Variants in DOCK5 observed in about 807,000 individuals in gnomAD.
DOCK5 encodes the protein dedicator of cytokinesis protein 5.
Under a neutral mutation model 251.8 loss-of-function variants are expected in DOCK5, and 142 were observed. That is an observed-to-expected ratio of 0.56 (90% CI 0.49 to 0.65). The LOEUF is 0.65. Ranked by LOEUF, DOCK5 falls within the 30% of genes least tolerant of loss-of-function variation. DOCK5 has a pLI of 0.00. For synonymous variants in DOCK5, 842 were observed against 835.5 expected (o/e 1.01, Z -0.13); for missense variants, 2,111 against 2,312.3 (o/e 0.91, Z 1.79).
At chr8:25,232,071 A>G (rs570657421) in intron 1 of DOCK5, among the ~76,000 whole-genome samples, 37 of 152,372 alleles carry the variant, frequency 2.4e-4, no homozygotes, top group Non-Finnish European at 4.6e-4. Flanking sequence ...ATTGTATTCA[A>G]AGAAAATGCT....
chr8:25,268,838 C>G lies in DOCK5; in HGVS notation c.128-7C>G. Reference sequence around the variant, plus strand: ...AAAATATTTTGTGTTCTCTTTTGCTCTGACAGGTTGGTACAGAGGATATAC... The same window carrying G: ...AAAATATTTTGTGTTCTCTTTTGCTGTGACAGGTTGGTACAGAGGATATAC... On this transcript the variant is annotated splice_polypyrimidine_tract_variant and splice_region_variant and intron_variant, in intron 2 of 51. Coordinates refer to ENST00000276440, the MANE Select transcript of DOCK5 (RefSeq NM_024940.8). 2 of 1,574,840 alleles carry G rather than the reference C, an allele frequency of 1.3e-6. No homozygotes were observed. The highest frequency in any genetic ancestry group is 2.4e-5 in the South Asian group (2 of 85,024).
chr8:25,264,656 T>A (rs1803689328), intron 2 of DOCK5, among the ~76,000 whole-genome samples: 1 of 151,604 alleles, frequency 6.6e-6, no homozygotes, highest in African/African-American at 2.4e-5. Context: ...TGAAACCCTG[T>A]CTCTACTTAA....
intron 13 of DOCK5, among the ~76,000 whole-genome samples, chr8:25,312,109 A>G (rs1418995661): frequency 6.6e-6 from 1 of 152,098 alleles, no homozygotes; most frequent in Non-Finnish European, 1.5e-5. Flanking sequence ...TCCTTTTCTC[A>G]TAAAAGAAGA....
chr8:25,387,186 CT>C lies in DOCK5; in HGVS notation c.4132-1889del, dbSNP rs71551804. 7.1e-3 allele frequency among the ~76,000 whole-genome samples: 881 copies of C among 124,514 alleles called. 3 individuals carry two copies. Among genetic ancestry groups the C allele is most frequent in the South Asian group, 0.029 (117 of 4,028 alleles). 81.7% of individuals were successfully genotyped at this position (124,514 alleles called of 152,430 possible). ...GTTCTTCCTACTCCAAGACCAGTGA[CT>C]TTTTTTTTTTTTTTTAAGAGGTCTC... On this transcript the variant is annotated intron_variant, in intron 40 of 51. Transcript: ENST00000276440.
rs762483242 is a variant in DOCK5, at chr8:25,366,935, C to G, written c.3189C>G (p.Thr1063=). ...CCCATGAGTCCCTTCAGCTTGAAAC[C>G]TTCTCACAAGCCAAGCGCAACAAAA... The part of the protein sequence containing the change: ...FLTHESLQLE[T]FSQAKRNKIV... The change falls in exon 31 of 52, where the codon ACC becomes ACG. Residue 1063 remains threonine, a synonymous_variant. Coordinates refer to ENST00000276440, the MANE Select transcript of DOCK5 (RefSeq NM_024940.8). The G allele has an allele frequency of 2.5e-6, 4 of 1,613,812 alleles. No individual in the cohort carries two copies. The South Asian group carries it at 3.3e-5, about 13-fold the overall frequency.
chr8:25,354,065 C>CT (rs1800522799), intron 27 of DOCK5, among the ~76,000 whole-genome samples: 1 of 99,014 alleles, frequency 1.0e-5, no homozygotes, highest in East Asian at 3.0e-4. Context: ...AAAAAAAAAA[C>CT]GTAGGAGAGA....
In DOCK5 at chr8:25,314,018, T is replaced by A. The variant is rs182446353; in HGVS notation, c.1319-2989T>A. On this transcript the variant is annotated intron_variant, in intron 13 of 51. Coordinates refer to ENST00000276440, the MANE Select transcript of DOCK5 (RefSeq NM_024940.8). ...CACTCACTTGGCTTTCATCTGCCTGTCACCTTCAAATCTGTAGCTCCAGGA... is the reference window on the plus strand; with the variant it reads ...CACTCACTTGGCTTTCATCTGCCTGACACCTTCAAATCTGTAGCTCCAGGA... Among the ~76,000 whole-genome samples the A allele has an allele frequency of 1.6e-4, 25 of 151,982 alleles. No individual in the cohort carries two copies. In the East Asian group the frequency reaches 4.5e-3, roughly 27 times the overall value.
intron 5 of DOCK5, among the ~76,000 whole-genome samples, chr8:25,283,346 G>A (rs1804250863): frequency 6.6e-6 from 1 of 152,198 alleles, no homozygotes; most frequent in African/African-American, 2.4e-5. Flanking sequence ...GGGAAGCTGA[G>A]TATCCTGTGC....
intron 2 of DOCK5, among the ~76,000 whole-genome samples, chr8:25,257,253 C>T (rs886481301): frequency 2.0e-5 from 3 of 152,178 alleles, no homozygotes; most frequent in Non-Finnish European, 2.9e-5. Flanking sequence ...ACATCCCTCT[C>T]TATGCCAGGC....
chr8:25,367,683 C>T (rs1013952561), intron 31 of DOCK5, among the ~76,000 whole-genome samples: 2 of 152,166 alleles, frequency 1.3e-5, no homozygotes, highest in South Asian at 4.1e-4. Context: ...CTCCCAAGGA[C>T]CAATATTTAT....
intron 1 of DOCK5, among the ~76,000 whole-genome samples, chr8:25,205,314 A>G (rs1197680881): frequency 6.6e-6 from 1 of 152,168 alleles, no homozygotes; most frequent in African/African-American, 2.4e-5. Context: ...ATGTGAGGAT[A>G]CAATGAGAGG....
rs1476677577 is a variant in DOCK5 at position 25,317,015 on chromosome 8, C to G, written c.1327C>G (p.Arg443Gly). The G allele has an allele frequency of 6.2e-7, 1 of 1,613,672 alleles. No individual in the cohort carries two copies. Among genetic ancestry groups the G allele is most frequent in the Admixed American group, 1.7e-5 (1 of 59,992 alleles). Residue 443 changes from arginine to glycine, a missense_variant, in exon 14 of 52, where the codon CGG becomes GGG. Physicochemically the swap from Arg to Gly is moderately radical, Grantham distance 125 (BLOSUM62 -2). Coordinates refer to ENST00000276440, the MANE Select transcript of DOCK5 (RefSeq NM_024940.8). ...TGCTTATCATGTTGCAGGAGATGTT[C>G]GGAATGACATTTATGTCACCCTGAT... ...FPEIILPGDV[R>G]NDIYVTLIHG...
At chr8:25,214,635 C>T (rs1802187202) in intron 1 of DOCK5, among the ~76,000 whole-genome samples, 1 of 152,166 alleles carries the variant, frequency 6.6e-6, no homozygotes, top group Non-Finnish European at 1.5e-5. Flanking sequence ...AGCCCCACTG[C>T]CACTTCTCTT....
chr8:25,301,250 G>C (rs883397), intron 9 of DOCK5, among the ~76,000 whole-genome samples: 305 of 152,256 alleles, frequency 2.0e-3, no homozygotes, highest in African/African-American at 7.0e-3. Flanking sequence ...CACAGACAAG[G>C]GGGGGCTACT....
At chr8:25,375,117 CT>C in intron 37 of DOCK5, 1 of 506,546 alleles carries the variant, frequency 2.0e-6, no homozygotes, top group Non-Finnish European at 2.7e-6. Flanking sequence ...AGCACCTTCT[CT>C]AACTTTGGAT....
At chr8:25,342,571 C>T in intron 25 of DOCK5, 64 bp downstream of exon 25, 1 of 1,265,364 alleles carries the variant, frequency 7.9e-7, no homozygotes, top group Non-Finnish European at 1.1e-6. Flanking sequence ...CATTGCACTC[C>T]AGCCTGGGTG....
chr8:25,383,625 C>G (rs529679429), intron 40 of DOCK5, among the ~76,000 whole-genome samples: 25 of 152,178 alleles, frequency 1.6e-4, no homozygotes, highest in Non-Finnish European at 3.7e-4. Context: ...GAGGCTGAGG[C>G]AGGCAGATCA....
At position 25,377,933 on chromosome 8, in the gene DOCK5, T is replaced by G. The variant is rs537935101; in HGVS notation, c.3936+509T>G. Reference sequence around the variant, plus strand: ...TTCTTTTTTTTTTTTTTGGTAAATATGGGGTCTCACCAGTTGCCCAGGCTG... The same window carrying G: ...TTCTTTTTTTTTTTTTTGGTAAATAGGGGGTCTCACCAGTTGCCCAGGCTG... On this transcript the variant is annotated intron_variant, in intron 38 of 51. Transcript: ENST00000276440. Among the ~76,000 whole-genome samples, 11 of 150,494 alleles carry G rather than the reference T, an allele frequency of 7.3e-5. No homozygotes were observed. The South Asian group carries it at 2.3e-3, about 32-fold the overall frequency.
intron 14 of DOCK5, 71 bp from the exon 15 acceptor site, chr8:25,319,507 C>A: frequency 1.9e-6 from 2 of 1,034,678 alleles, no homozygotes; most frequent in Non-Finnish European, 2.9e-6. Context: ...GGGGCTTGTG[C>A]ATGGTATATG....
Sources: allele counts gnomAD v4.1 joint callset (sites outside exome capture counted in the v4.1 genomes callset), GRCh38; gene constraint gnomAD v4.1.1; transcripts MANE v1.5; gene names NCBI Gene and HGNC (gene_info 2026-07-23, HGNC 2026-07-21).